Variants in NRXN1 observed in about 807,000 individuals in gnomAD.
NRXN1 encodes neurexin-1.
In NRXN1, 39 loss-of-function variants were observed where a neutral mutation model predicts 150.9. That is an observed-to-expected ratio of 0.26 (90% CI 0.20 to 0.34). The LOEUF (loss-of-function observed/expected upper bound fraction) is 0.34. NRXN1 is among the 10% of genes least tolerant of loss of function. The pLI is 1.00. For synonymous variants in NRXN1, 924 were observed against 757.0 expected, an observed-to-expected ratio of 1.22 and a Z score of -3.62; for missense variants, 1,815 against 1,949.9, an observed-to-expected ratio of 0.93 and a Z score of 1.30.
chr2:50,500,236 T>C (rs1355327352), intron 13 of NRXN1, among the ~76,000 whole-genome samples: 1 of 152,004 alleles, frequency 6.6e-6, no homozygotes, highest in Non-Finnish European at 1.5e-5. Flanking sequence ...GTAATAAAAA[T>C]AAGACAGTAT....
intron 5 of NRXN1, among the ~76,000 whole-genome samples, chr2:50,702,549 C>A (rs1368132878): frequency 7.7e-6 from 1 of 129,978 alleles, no homozygotes; most frequent in Non-Finnish European, 1.6e-5. Flanking sequence ...GTATTCATAG[C>A]ATTTTTTTGA....
intron 5 of NRXN1, among the ~76,000 whole-genome samples, chr2:50,656,802 A>C (rs1005409790): frequency 6.6e-6 from 1 of 151,958 alleles, no homozygotes; most frequent in South Asian, 2.1e-4. Flanking sequence ...CATTCACACT[A>C]GAGACAAAAT....
In NRXN1 at chr2:50,346,876, C is replaced by A; in HGVS notation, c.3365-109906G>T. 1 of 1,291,648 alleles carries A rather than the reference C, an allele frequency of 7.7e-7. No homozygotes were observed. Among genetic ancestry groups the A allele is most frequent in the Non-Finnish European group, 9.8e-7 (1 of 1,025,214 alleles). The allele number at this position is 1,291,648 out of a possible 1,614,324, so 80.0% of individuals were successfully genotyped here. On this transcript the variant is annotated intron_variant, in intron 17 of 22. Transcript: ENST00000401669. This position sits in a 1 kb window ranked among gnomAD's most constrained non-coding sequence, Gnocchi z 5.0. ...CAGGGCCAGGCGCCCCCCTGCGCCG[C>A]CGCCGCCGCCGCCGCCGCCGCCGCC...
chr2:50,320,273 A>C (rs2075915583), intron 17 of NRXN1, among the ~76,000 whole-genome samples: 1 of 113,044 alleles, frequency 8.8e-6, no homozygotes, highest in African/African-American at 3.4e-5. Flanking sequence ...ATTTATTCTT[A>C]TACCTCAATC....
chr2:50,382,708 T>G (rs527334756), intron 17 of NRXN1, among the ~76,000 whole-genome samples: 12 of 152,314 alleles, frequency 7.9e-5, no homozygotes, highest in Admixed American at 3.3e-4. Context: ...ACGTATCATC[T>G]GAAGTTCCCC....
intron 17 of NRXN1, among the ~76,000 whole-genome samples, chr2:50,241,864 T>G (rs2066031211): frequency 1.3e-5 from 2 of 151,704 alleles, no homozygotes; most frequent in Admixed American, 6.6e-5. Flanking sequence ...GCTAACATAT[T>G]CCCTTACATA....
chr2:50,329,101 T>C (rs186833362), intron 17 of NRXN1, among the ~76,000 whole-genome samples: 1 of 151,946 alleles, frequency 6.6e-6, no homozygotes, highest in African/African-American at 2.4e-5. Flanking sequence ...TAAACATTAA[T>C]AGCACCATAA....
At chr2:50,243,912 A>G (rs1016519525) in intron 17 of NRXN1, among the ~76,000 whole-genome samples, 9 of 151,884 alleles carry the variant, frequency 5.9e-5, no homozygotes, top group Non-Finnish European at 1.0e-4. Context: ...AAAACAATTG[A>G]GAAAATGAAA....
intron 8 of NRXN1, among the ~76,000 whole-genome samples, chr2:50,598,694 C>CTATA (rs201133390): frequency 6.3e-5 from 9 of 142,002 alleles, no homozygotes; most frequent in African/African-American, 2.4e-4. Flanking sequence ...ATATACATAT[C>CTATA]TATATATATA....
intron 2 of NRXN1, among the ~76,000 whole-genome samples, chr2:50,990,218 T>C (rs1298837296): frequency 6.6e-6 from 1 of 152,048 alleles, no homozygotes; most frequent in Non-Finnish European, 1.5e-5. Context: ...TATTATTCAA[T>C]ATCAATTTGC....
chr2:50,166,513 A>T lies in NRXN1; in HGVS notation c.3546+70276T>A, dbSNP rs145605920. Among the ~76,000 whole-genome samples the T allele has an allele frequency of 9.6e-3, 1,463 of 152,232 alleles. 23 individuals are homozygous for T. Among genetic ancestry groups the T allele is most frequent in the Non-Finnish European group, 0.012 (843 of 68,020 alleles). On this transcript the variant is annotated intron_variant, in intron 18 of 22. Transcript: ENST00000401669. The stretch of plus-strand genomic sequence containing the variant: ...AAGAGCCCAGTCAACTGGCTCCTTA[A>T]TATTAGCCTTCTTGAGACCCTAAGC...
At chr2:50,349,443 G>A (rs755720001) in intron 17 of NRXN1, among the ~76,000 whole-genome samples, 6 of 152,186 alleles carry the variant, frequency 3.9e-5, no homozygotes, top group Non-Finnish European at 8.8e-5. Context: ...AAAAAGAAAA[G>A]GAAAATCATC....
chr2:50,358,404 T>C (rs964222703), intron 17 of NRXN1, among the ~76,000 whole-genome samples: 3 of 152,134 alleles, frequency 2.0e-5, no homozygotes, highest in Non-Finnish European at 4.4e-5. Context: ...GGGAGGGACG[T>C]CCACCATTAC....
intron 17 of NRXN1, among the ~76,000 whole-genome samples, chr2:50,289,552 G>A (rs1236203640): frequency 6.6e-6 from 1 of 152,038 alleles, no homozygotes; most frequent in East Asian, 1.9e-4. Flanking sequence ...CTAAAGCTCT[G>A]TATTATTTGG....
At chr2:50,195,923 A>C (rs999583168) in intron 18 of NRXN1, among the ~76,000 whole-genome samples, 5 of 152,010 alleles carry the variant, frequency 3.3e-5, no homozygotes, top group Non-Finnish European at 5.9e-5. Context: ...TCTGTACTTA[A>C]TTCCTTGGAT....
chr2:50,758,315 ACTCT>A (rs1701395207), intron 5 of NRXN1, among the ~76,000 whole-genome samples: 2 of 151,776 alleles, frequency 1.3e-5, no homozygotes, highest in South Asian at 4.1e-4. Flanking sequence ...TTAATGACTG[ACTCT>A]CTCATGACCA....
chr2:50,021,973 C>A (rs551177658), intron 21 of NRXN1, among the ~76,000 whole-genome samples: 1 of 152,204 alleles, frequency 6.6e-6, no homozygotes, highest in Non-Finnish European at 1.5e-5. Context: ...GTCTCAGACT[C>A]CCGAGTAGCT....
chr2:50,447,740 TATATATATATATATATATATATA>T (rs2086572277), intron 17 of NRXN1, among the ~76,000 whole-genome samples: 9 of 81,136 alleles, frequency 1.1e-4, no homozygotes, highest in African/African-American at 2.4e-4. Context: ...GGGAACGTTA[TATATATATATATATATATATATA>T]TATATATATA....
At chr2:50,849,022 A>ATGTC (rs1196643402) in intron 5 of NRXN1, among the ~76,000 whole-genome samples, 1 of 152,204 alleles carries the variant, frequency 6.6e-6, no homozygotes, top group Non-Finnish European at 1.5e-5. Context: ...CTTGACAGAA[A>ATGTC]TGTCTGTCTG....
Sources: allele counts gnomAD v4.1 joint callset (sites outside exome capture counted in the v4.1 genomes callset), GRCh38; gene constraint gnomAD v4.1.1; non-coding constraint Gnocchi (gnomAD v3.1); transcripts MANE v1.5; gene names NCBI Gene and HGNC (gene_info 2026-07-23, HGNC 2026-07-21).